The following DAAM1 variants were observed in gnomAD, a reference collection of about 807,000 sequenced individuals.
The protein encoded by DAAM1 is dishevelled associated activator of morphogenesis 1, also known as disheveled-associated activator of morphogenesis 1.
A neutral mutation model predicts 130.0 loss-of-function variants in DAAM1; 52 were observed. That is an observed-to-expected ratio of 0.40 (90% confidence interval 0.32 to 0.50). The LOEUF is 0.50. Ranked by LOEUF, DAAM1 falls within the 20% of genes least tolerant of loss-of-function variation. DAAM1 has a pLI of 0.61. For synonymous variants in DAAM1, 452 were observed against 444.5 expected, an observed-to-expected ratio of 1.02 and a Z score of -0.21; for missense variants, 1,134 against 1,303.8, an observed-to-expected ratio of 0.87 and a Z score of 2.01.
chr14:59,265,557 A>G (rs1882396385), intron 2 of DAAM1: 1 of 152,242 alleles, frequency 6.6e-6, no homozygotes, highest in Non-Finnish European at 1.5e-5. Flanking sequence ...GTGTGGGTCA[A>G]GGAGATGAGG....
intron 2 of DAAM1, among the ~76,000 whole-genome samples, chr14:59,271,141 G>A (rs17095989): frequency 0.084 from 12,834 of 152,084 alleles, 576 homozygotes; most frequent in Non-Finnish European, 0.098. Flanking sequence ...CCTTCTTTCA[G>A]ATCCAGTTCT....
At chr14:59,193,890 C>G (rs1216493884) in intron 1 of DAAM1, among the ~76,000 whole-genome samples, 2 of 152,214 alleles carry the variant, frequency 1.3e-5, no homozygotes, top group East Asian at 3.8e-4. Context: ...ACAACACTTA[C>G]AGCTAATTTG....
chr14:59,255,607 G>A (rs1881845367), intron 1 of DAAM1, among the ~76,000 whole-genome samples: 1 of 152,126 alleles, frequency 6.6e-6, no homozygotes. Flanking sequence ...CAAAATGTGA[G>A]GTAAACTGCA....
At chr14:59,257,906 T>C (rs1039101541) in intron 1 of DAAM1, among the ~76,000 whole-genome samples, 1 of 152,140 alleles carries the variant, frequency 6.6e-6, no homozygotes, top group Non-Finnish European at 1.5e-5. Flanking sequence ...TCCCATTTTA[T>C]CCATCAGGTC....
At chr14:59,283,797 A>G (rs112135554) in intron 2 of DAAM1, among the ~76,000 whole-genome samples, 176 of 152,304 alleles carry the variant, frequency 1.2e-3, no homozygotes, top group African/African-American at 4.0e-3. Flanking sequence ...GATACTGTGT[A>G]AGGTGATAAC....
chr14:59,344,405 G>A (rs939800141), intron 16 of DAAM1, among the ~76,000 whole-genome samples: 3 of 152,170 alleles, frequency 2.0e-5, no homozygotes, highest in African/African-American at 7.2e-5. Context: ...AAGAAAGTTG[G>A]AGTAGATATC....
At chr14:59,362,797 T>TTAAG (rs372810805) in intron 22 of DAAM1, 9 of 152,276 alleles carry the variant, frequency 5.9e-5, no homozygotes, top group African/African-American at 2.2e-4. Flanking sequence ...AGAATCCAGT[T>TTAAG]TAAGTCAATT....
intron 1 of DAAM1, 67 bp from the exon 2 acceptor site, chr14:59,263,374 T>G: frequency 1.4e-6 from 2 of 1,400,654 alleles, no homozygotes; most frequent in Non-Finnish European, 2.0e-6. Context: ...CTTGAGTTGG[T>G]CTGGCCTTTT....
chr14:59,329,563 G>A (rs7149025), intron 12 of DAAM1, among the ~76,000 whole-genome samples: 92,901 of 152,008 alleles, frequency 0.61, 28,781 homozygotes, highest in East Asian at 0.81. Context: ...AGTATAGCTC[G>A]GCCCCAGTGG....
intron 20 of DAAM1, among the ~76,000 whole-genome samples, 179 bp downstream of exon 20, chr14:59,355,512 G>A (rs889918995): frequency 6.6e-6 from 1 of 152,032 alleles, no homozygotes; most frequent in Non-Finnish European, 1.5e-5. Context: ...TCTCATGACC[G>A]CAGGCATCTC....
At chr14:59,311,490 T>G (rs1007206310) in intron 3 of DAAM1, among the ~76,000 whole-genome samples, 1 of 151,872 alleles carries the variant, frequency 6.6e-6, no homozygotes, top group Non-Finnish European at 1.5e-5. Context: ...AACTTACTTC[T>G]AATTGTAAAA....
chr14:59,324,167 C>T lies in DAAM1; in HGVS notation c.814C>T (p.Arg272Ter), dbSNP rs1363304739. 1.4e-6 allele frequency: 2 copies of T among 1,451,164 alleles called. No individual in the cohort carries two copies. The highest frequency in any genetic ancestry group is 1.8e-6 in the Non-Finnish European group (2 of 1,093,332). The allele number at this position is 1,451,164 out of a possible 1,614,324, so 89.9% of individuals were successfully genotyped here. ...NDLDKSTGRY[R>*]DEVSLKTAIM... ...CTTGGATAAAAGCACTGGGCGGTAT[C>T]GAGATGAAGTGAGTCTCAAGACTGC... The change falls in exon 7 of 25, where the codon CGA (arginine) becomes TGA (stop). Residue 272 changes from arginine to a stop codon, truncating the protein, a stop_gained. Transcript: ENST00000360909. LOFTEE classifies it high-confidence loss of function.
chr14:59,360,794 T>C lies in DAAM1; in HGVS notation c.2634-8T>C, dbSNP rs1007337350. The C allele has an allele frequency of 6.2e-7, 1 of 1,612,868 alleles. No individual in the cohort carries two copies. The highest frequency in any genetic ancestry group is 8.5e-7 in the Non-Finnish European group (1 of 1,179,362). ...TGTTGATTGCTAAAACATTGCTATTTACAACAGCATGACTGAGCTGGACAA... is the reference window on the plus strand; with the variant it reads ...TGTTGATTGCTAAAACATTGCTATTCACAACAGCATGACTGAGCTGGACAA... On this transcript the variant is annotated splice_polypyrimidine_tract_variant and splice_region_variant and intron_variant, in intron 21 of 24. Coordinates refer to ENST00000360909, the MANE Select transcript of DAAM1 (RefSeq NM_001270520.2).
chr14:59,352,400 A>C (rs972856073), intron 17 of DAAM1, 126 bp from the exon 18 acceptor site: 12 of 655,836 alleles, frequency 1.8e-5, no homozygotes, highest in African/African-American at 9.2e-5. Flanking sequence ...TTAACCTGTG[A>C]GCAGAGCTTA....
chr14:59,291,362 C>A, intron 3 of DAAM1, 56 bp downstream of exon 3: 1 of 1,382,788 alleles, frequency 7.2e-7, no homozygotes. Context: ...ATTCCATTTG[C>A]TCTTCCATTT....
chr14:59,331,607 A>G, intron 14 of DAAM1, 99 bp downstream of exon 14: 1 of 1,510,340 alleles, frequency 6.6e-7, no homozygotes, highest in Non-Finnish European at 8.8e-7. Context: ...AAATGATTTC[A>G]TTTTCTAATG....
At chr14:59,230,974 T>C (rs1186391102) in intron 1 of DAAM1, among the ~76,000 whole-genome samples, 2 of 152,196 alleles carry the variant, frequency 1.3e-5, no homozygotes, top group African/African-American at 4.8e-5. Flanking sequence ...GTTGAACAAC[T>C]GTGCACTTGC....
chr14:59,243,972 G>A (rs1449859794), intron 1 of DAAM1, among the ~76,000 whole-genome samples: 1 of 152,134 alleles, frequency 6.6e-6, no homozygotes, highest in Non-Finnish European at 1.5e-5. Context: ...CCCTATTTAA[G>A]GGAACATGGA....
intron 6 of DAAM1, among the ~76,000 whole-genome samples, chr14:59,323,472 T>A (rs1025781435): frequency 1.3e-5 from 2 of 152,198 alleles, no homozygotes; most frequent in African/African-American, 4.8e-5. Flanking sequence ...ATCCTATATG[T>A]CATATAGCAC....
Sources: allele counts gnomAD v4.1 joint callset (sites outside exome capture counted in the v4.1 genomes callset), GRCh38; gene constraint gnomAD v4.1.1; transcripts MANE v1.5; gene names NCBI Gene and HGNC (gene_info 2026-07-23, HGNC 2026-07-21).